WNT7A: variants seen among roughly 807,000 people sequenced by gnomAD.
WNT7A encodes protein Wnt-7a.
WNT7A carries 16 observed loss-of-function variants against 28.2 expected under a neutral mutation model. That is an observed-to-expected ratio of 0.57 (90% confidence interval 0.38 to 0.86). The LOEUF (loss-of-function observed/expected upper bound fraction) is 0.86. Among genes scored for constraint, WNT7A ranks in the 40% least tolerant of loss-of-function variants. The pLI is 0.00. For missense variants in WNT7A, 411 were observed against 489.7 expected (o/e 0.84, Z 1.52); for synonymous variants, 190 against 195.9 (o/e 0.97, Z 0.25).
At chr3:13,877,215 C>T (rs980635243) in intron 1 of WNT7A, 5 of 152,244 alleles carry the variant, frequency 3.3e-5, no homozygotes, top group African/African-American at 1.2e-4. Context: ...CTCATGTGAC[C>T]TTTCCACACA....
At chr3:13,856,113 A>G (rs1363179160) in intron 2 of WNT7A, among the ~76,000 whole-genome samples, 2 of 148,670 alleles carry the variant, frequency 1.3e-5, no homozygotes, top group Non-Finnish European at 3.0e-5. Flanking sequence ...CACCTGCTGG[A>G]CTGGACAGCT....
chr3:13,872,805 A>C lies in WNT7A; in HGVS notation c.298+2142T>G, dbSNP rs143093585. ...TCCACCCCAGACCTCTGTGGGGACTATTCCAATGCCAGTTGATATACTGAC... is the reference window on the plus strand; with the variant it reads ...TCCACCCCAGACCTCTGTGGGGACTCTTCCAATGCCAGTTGATATACTGAC... On this transcript the variant is annotated intron_variant, in intron 2 of 3. Transcript: ENST00000285018. 2.6e-5 allele frequency among the ~76,000 whole-genome samples: 4 copies of C among 152,274 alleles called. No individual in the cohort carries two copies. In the East Asian group the frequency reaches 7.7e-4, roughly 29 times the overall value.
chr3:13,856,960 A>G lies in WNT7A; in HGVS notation c.299-2157T>C, dbSNP rs200829370. The stretch of plus-strand genomic sequence containing the variant: ...GAAGAAGAAGAAGAAGAAGAAGAAG[A>G]AGAAGAAGGAGAAGAAGAAGAAGAA... On this transcript the variant is annotated intron_variant, in intron 2 of 3. Transcript: ENST00000285018. 1.1e-3 allele frequency among the ~76,000 whole-genome samples: 127 copies of G among 117,482 alleles called. 1 individual carries two copies. The highest frequency in any genetic ancestry group is 4.5e-3 in the African/African-American group (110 of 24,326). The allele number at this position is 117,482 out of a possible 152,430, so 77.1% of individuals were successfully genotyped here.
At chr3:13,824,726 T>A (rs1694165776) in intron 3 of WNT7A, among the ~76,000 whole-genome samples, 1 of 152,174 alleles carries the variant, frequency 6.6e-6, no homozygotes, top group Non-Finnish European at 1.5e-5. Flanking sequence ...ATGCTGTTCC[T>A]TATCTGGAAG....
chr3:13,843,605 G>A (rs1694495339), intron 3 of WNT7A, among the ~76,000 whole-genome samples: 1 of 151,678 alleles, frequency 6.6e-6, no homozygotes, highest in Non-Finnish European at 1.5e-5. Context: ...CCCAACCAGA[G>A]CCTCAGCTGC....
intron 3 of WNT7A, among the ~76,000 whole-genome samples, chr3:13,838,637 G>C (rs567590569): frequency 3.7e-4 from 57 of 152,350 alleles, no homozygotes; most frequent in Non-Finnish European, 6.9e-4. Context: ...GGCTTCAAGG[G>C]GACCTGGTTG....
At chr3:13,844,146 G>A (rs1345964972) in intron 3 of WNT7A, among the ~76,000 whole-genome samples, 1 of 152,190 alleles carries the variant, frequency 6.6e-6, no homozygotes, top group African/African-American at 2.4e-5. Flanking sequence ...CACCAAGGAT[G>A]AACAGAGCTT....
In WNT7A at chr3:13,854,537, G is replaced by T. The variant is rs267599620; in HGVS notation, c.565C>A (p.Arg189=). ...LMNLHNNEAG[R]KILEENMKLE... Reference sequence around the variant, plus strand: ...TGCCCTCCCTGGCTTCCTACCTTTCGGCCTGCCTCGTTGTTGTGCAAGTTC... The same window carrying T: ...TGCCCTCCCTGGCTTCCTACCTTTCTGCCTGCCTCGTTGTTGTGCAAGTTC... The change falls in exon 3 of 4, where the codon CGA becomes AGA. Residue 189 remains arginine (R), a synonymous_variant. Transcript: ENST00000285018. 1 of 1,614,064 alleles carries T rather than the reference G, an allele frequency of 6.2e-7. No homozygotes were observed. Among genetic ancestry groups the T allele is most frequent in the Non-Finnish European group, 8.5e-7 (1 of 1,180,040 alleles).
At position 13,868,632 on chromosome 3, in the gene WNT7A, AAGAGAG is replaced by A. The variant is rs1174142160; in HGVS notation, c.298+6309_298+6314del. Among the ~76,000 whole-genome samples, 3 of 14,776 alleles carry A rather than the reference AAGAGAG, an allele frequency of 2.0e-4. 1 individual carries two copies. Among genetic ancestry groups the A allele is most frequent in the Non-Finnish European group, 4.7e-4 (3 of 6,374 alleles). The allele number at this position is 14,776 out of a possible 152,430, so 9.7% of individuals were successfully genotyped here. The stretch of plus-strand genomic sequence containing the variant: ...AAAGAGAGAGAGAGAGAAAGAAAGA[AAGAGAG>A]AGGAGAAAGAAAAAAAGGAGGGAGG... On this transcript the variant is annotated intron_variant, in intron 2 of 3. Transcript: ENST00000285018.
At chr3:13,855,630 G>A (rs1460034608) in intron 2 of WNT7A, among the ~76,000 whole-genome samples, 2 of 152,168 alleles carry the variant, frequency 1.3e-5, no homozygotes, top group East Asian at 3.9e-4. Context: ...ATATGGTGCT[G>A]CCACCTCGCC....
chr3:13,829,269 C>T (rs987831039), intron 3 of WNT7A, among the ~76,000 whole-genome samples: 2 of 152,040 alleles, frequency 1.3e-5, no homozygotes, highest in African/African-American at 4.8e-5. Context: ...TTTTATTTTG[C>T]AGGAAAAAAA....
chr3:13,838,386 C>A (rs374422212), intron 3 of WNT7A, among the ~76,000 whole-genome samples: 12 of 152,304 alleles, frequency 7.9e-5, no homozygotes, highest in Non-Finnish European at 1.5e-4. Context: ...CCACGGTGTG[C>A]GGAAGGAACT....
At chr3:13,835,789 T>A (rs1694357434) in intron 3 of WNT7A, among the ~76,000 whole-genome samples, 1 of 152,262 alleles carries the variant, frequency 6.6e-6, no homozygotes, top group South Asian at 2.1e-4. Context: ...CATCAATGGA[T>A]GAATGCGTAA....
At chr3:13,821,907 G>A (rs1694116496) in intron 3 of WNT7A, among the ~76,000 whole-genome samples, 1 of 152,214 alleles carries the variant, frequency 6.6e-6, no homozygotes, top group African/African-American at 2.4e-5. Flanking sequence ...GAACAGGGAT[G>A]CTTTGTGTAC....
At chr3:13,849,399 C>G (rs917726717) in intron 3 of WNT7A, among the ~76,000 whole-genome samples, 5 of 152,212 alleles carry the variant, frequency 3.3e-5, no homozygotes, top group Non-Finnish European at 7.3e-5. Flanking sequence ...TTTTGTTTAT[C>G]TCAAATTCAA....
chr3:13,869,591 G>A (rs1282482524), intron 2 of WNT7A, among the ~76,000 whole-genome samples: 1 of 147,000 alleles, frequency 6.8e-6, no homozygotes, highest in African/African-American at 2.5e-5. Flanking sequence ...AGAAAGGAAG[G>A]AAGGAGGGGA....
chr3:13,869,610 G>C (rs1694996516), intron 2 of WNT7A, among the ~76,000 whole-genome samples: 1 of 140,906 alleles, frequency 7.1e-6, no homozygotes, highest in African/African-American at 2.7e-5. Flanking sequence ...GAGGAAGAAA[G>C]AGAGAAAGAG....
At chr3:13,851,826 G>A (rs1192213261) in intron 3 of WNT7A, among the ~76,000 whole-genome samples, 6 of 152,168 alleles carry the variant, frequency 3.9e-5, no homozygotes, top group Non-Finnish European at 7.3e-5. Context: ...TGTGAACTTC[G>A]TATTCTGGGA....
chr3:13,838,161 A>G (rs1694400016), intron 3 of WNT7A, among the ~76,000 whole-genome samples: 1 of 151,644 alleles, frequency 6.6e-6, no homozygotes, highest in Admixed American at 6.6e-5. Context: ...GGTGGGGGGC[A>G]TGGTTGAGAA....
Sources: allele counts gnomAD v4.1 joint callset (sites outside exome capture counted in the v4.1 genomes callset), GRCh38; gene constraint gnomAD v4.1.1; transcripts MANE v1.5; gene names NCBI Gene and HGNC (gene_info 2026-07-23, HGNC 2026-07-21).